The following GRID1 variants were observed in gnomAD, a reference collection of about 807,000 sequenced individuals.
The protein encoded by GRID1 is glutamate receptor ionotropic, delta-1.
In GRID1, 28 loss-of-function variants were observed where a neutral mutation model predicts 98.0. The ratio of observed to expected loss-of-function variants is 0.29; its 90% CI spans 0.21 to 0.39. The LOEUF is 0.39. Ranked by LOEUF, GRID1 falls within the 10% of genes least tolerant of loss-of-function variation. GRID1 has a pLI of 1.00. For missense variants in GRID1, 1,111 were observed against 1,340.5 expected (o/e 0.83, Z 2.67); for synonymous variants, 553 against 538.5 (o/e 1.03, Z -0.37).
intron 8 of GRID1, among the ~76,000 whole-genome samples, chr10:85,740,756 CTTT>C (rs34684480): frequency 6.1e-5 from 9 of 147,244 alleles, no homozygotes; most frequent in South Asian, 2.2e-4. Flanking sequence ...ATACACTGTA[CTTT>C]TTTTTTTTTT....
intron 8 of GRID1, among the ~76,000 whole-genome samples, chr10:85,740,588 C>A (rs1044594229): frequency 6.6e-6 from 1 of 152,082 alleles, no homozygotes; most frequent in Non-Finnish European, 1.5e-5. Context: ...CCTACTCATC[C>A]TTTCAATATC....
chr10:85,923,571 C>T (rs7895100), intron 4 of GRID1, among the ~76,000 whole-genome samples: 24,633 of 152,064 alleles, frequency 0.16, 2,087 homozygotes, highest in East Asian at 0.22. Flanking sequence ...ACGATCCCTC[C>T]CTGAGTCCTC....
chr10:85,990,788 C>T (rs569962488), intron 4 of GRID1, among the ~76,000 whole-genome samples: 99 of 152,262 alleles, frequency 6.5e-4, no homozygotes, highest in Middle Eastern at 3.4e-3. Context: ...AAGTCTGAAA[C>T]AGGAAGTGAT....
chr10:85,736,296 AAGAG>A (rs886977475), intron 8 of GRID1, among the ~76,000 whole-genome samples: 11 of 150,358 alleles, frequency 7.3e-5, no homozygotes, highest in Middle Eastern at 3.4e-3. Flanking sequence ...GAGAGGGAGA[AAGAG>A]AGGGAGAGAA....
chr10:85,659,724 G>A (rs1336866212), intron 12 of GRID1, among the ~76,000 whole-genome samples: 1 of 152,172 alleles, frequency 6.6e-6, no homozygotes, highest in East Asian at 1.9e-4. Context: ...GGGAGGAGAA[G>A]GTGTGCTCTA....
intron 3 of GRID1, among the ~76,000 whole-genome samples, chr10:86,182,137 T>A (rs760104642): frequency 6.6e-6 from 1 of 152,216 alleles, no homozygotes; most frequent in African/African-American, 2.4e-5. Context: ...TGCTCGCCCT[T>A]CCATTGAGAC....
chr10:86,016,539 A>T (rs1014792896), intron 4 of GRID1, among the ~76,000 whole-genome samples: 2 of 152,128 alleles, frequency 1.3e-5, no homozygotes, highest in African/African-American at 4.8e-5. Context: ...AATTGGGTAG[A>T]CTTTTTCTGT....
intron 2 of GRID1, among the ~76,000 whole-genome samples, chr10:86,326,578 T>C (rs1385044224): frequency 3.3e-5 from 5 of 152,272 alleles, no homozygotes; most frequent in East Asian, 1.9e-4. Context: ...TTTAAAGCCA[T>C]AGAGAGACCA....
intron 4 of GRID1, among the ~76,000 whole-genome samples, chr10:86,077,911 C>A (rs1449491660): frequency 6.6e-6 from 1 of 152,236 alleles, no homozygotes; most frequent in Non-Finnish European, 1.5e-5. Context: ...CTTGGCCTGG[C>A]CTACAAAGCA....
At chr10:85,923,850 G>A (rs974257911) in intron 4 of GRID1, among the ~76,000 whole-genome samples, 6 of 152,204 alleles carry the variant, frequency 3.9e-5, no homozygotes, top group African/African-American at 9.7e-5. Flanking sequence ...AGTGGTGACT[G>A]GATAGTGGGG....
intron 5 of GRID1, among the ~76,000 whole-genome samples, chr10:85,915,149 C>A (rs1003262020): frequency 6.6e-5 from 10 of 152,176 alleles, no homozygotes; most frequent in African/African-American, 2.4e-4. Context: ...TTTCTATTTA[C>A]TCCCTTTACA....
chr10:86,251,403 A>G (rs1037034315), intron 2 of GRID1, among the ~76,000 whole-genome samples: 1 of 152,180 alleles, frequency 6.6e-6, no homozygotes, highest in Admixed American at 6.5e-5. Context: ...ATGCAATATG[A>G]CATATTTATG....
At chr10:85,666,688 A>C (rs1841022182) in intron 12 of GRID1, among the ~76,000 whole-genome samples, 1 of 152,142 alleles carries the variant, frequency 6.6e-6, no homozygotes, top group Non-Finnish European at 1.5e-5. Flanking sequence ...AGGGGACGTG[A>C]CTTCAACTCA....
At chr10:86,112,734 A>G (rs891133962) in intron 4 of GRID1, among the ~76,000 whole-genome samples, 1 of 152,178 alleles carries the variant, frequency 6.6e-6, no homozygotes, top group African/African-American at 2.4e-5. Context: ...AAGATGAAAG[A>G]GCAATTTCCA....
chr10:85,935,906 C>A (rs1841919754), intron 4 of GRID1, among the ~76,000 whole-genome samples: 1 of 152,186 alleles, frequency 6.6e-6, no homozygotes, highest in African/African-American at 2.4e-5. Context: ...TTGCCTTATA[C>A]CAAGAACTAC....
chr10:85,884,044 T>G (rs987825327), intron 5 of GRID1, among the ~76,000 whole-genome samples: 19 of 152,178 alleles, frequency 1.2e-4, no homozygotes, highest in East Asian at 1.9e-4. Flanking sequence ...ATCTCAGGGT[T>G]TTCACAGTTG....
At chr10:85,926,973 T>G (rs1312224667) in intron 4 of GRID1, among the ~76,000 whole-genome samples, 1 of 152,228 alleles carries the variant, frequency 6.6e-6, no homozygotes, top group Non-Finnish European at 1.5e-5. Context: ...CAATCACTAT[T>G]TCTCTACAGC....
intron 8 of GRID1, among the ~76,000 whole-genome samples, chr10:85,751,301 G>C (rs1183584668): frequency 6.6e-6 from 1 of 152,216 alleles, no homozygotes; most frequent in Non-Finnish European, 1.5e-5. Context: ...AGATATTAGG[G>C]TAGCGCCAGG....
intron 5 of GRID1, among the ~76,000 whole-genome samples, chr10:85,912,751 T>A (rs1841557959): frequency 6.6e-6 from 1 of 152,234 alleles, no homozygotes; most frequent in African/African-American, 2.4e-5. Flanking sequence ...AGCAGCTGAA[T>A]TCTGGAGCAT....
Sources: gnomAD v4.1 joint callset for allele counts (sites outside exome capture counted in the v4.1 genomes callset) on GRCh38, gnomAD v4.1.1 for gene constraint, MANE v1.5 for transcripts, NCBI Gene and HGNC (gene_info 2026-07-23, HGNC 2026-07-21) for gene names.